The following VEPH1 variants were observed in gnomAD, a reference collection of about 807,000 sequenced individuals.
VEPH1 encodes the protein ventricular zone-expressed PH domain-containing protein homolog 1.
A neutral mutation model predicts 85.2 loss-of-function variants in VEPH1; 80 were observed. That is an observed-to-expected ratio of 0.94 (90% CI 0.78 to 1.13). VEPH1 has a LOEUF of 1.13. Among genes scored for constraint, VEPH1 ranks in the 50% most tolerant of loss-of-function variants. VEPH1 has a pLI of 0.00. For synonymous variants in VEPH1, 297 were observed against 348.0 expected, an observed-to-expected ratio of 0.85 and a Z score of 1.63; for missense variants, 955 against 980.5, an observed-to-expected ratio of 0.97 and a Z score of 0.35.
At chr3:157,336,627 T>C (rs1445384225) in intron 9 of VEPH1, among the ~76,000 whole-genome samples, 7 of 152,218 alleles carry the variant, frequency 4.6e-5, no homozygotes. Context: ...CTAGTAGAGA[T>C]AAACATGTTC....
At chr3:157,464,903 T>C (rs1736222260) in intron 3 of VEPH1, among the ~76,000 whole-genome samples, 2 of 152,244 alleles carry the variant, frequency 1.3e-5, no homozygotes, top group South Asian at 4.1e-4. Flanking sequence ...ATTCATTCAC[T>C]ATTATCAATC....
At chr3:157,305,105 T>C (rs61122435) in intron 11 of VEPH1, among the ~76,000 whole-genome samples, 3 of 34,702 alleles carry the variant, frequency 8.6e-5, no homozygotes, top group Admixed American at 4.8e-4. Flanking sequence ...ATCTGTCTTT[T>C]TTTTTTTTTT....
intron 9 of VEPH1, among the ~76,000 whole-genome samples, chr3:157,352,196 G>A (rs1329509650): frequency 6.6e-6 from 1 of 152,012 alleles, no homozygotes; most frequent in Non-Finnish European, 1.5e-5. Flanking sequence ...TGACCACTAG[G>A]GTGCTCAGAA....
intron 2 of VEPH1, among the ~76,000 whole-genome samples, chr3:157,490,753 G>T (rs1392190370): frequency 1.3e-5 from 2 of 152,118 alleles, no homozygotes; most frequent in Admixed American, 6.6e-5. Flanking sequence ...AAAACCTGTT[G>T]TTTCACTTTT....
chr3:157,469,265 A>G (rs1736692176), intron 3 of VEPH1, among the ~76,000 whole-genome samples: 1 of 152,222 alleles, frequency 6.6e-6, no homozygotes. Flanking sequence ...CAGTTGATCA[A>G]TTCCTAGACT....
intron 4 of VEPH1, among the ~76,000 whole-genome samples, chr3:157,453,777 T>G (rs1481465245): frequency 1.3e-5 from 2 of 152,168 alleles, no homozygotes; most frequent in African/African-American, 4.8e-5. Context: ...AACTTAAAGT[T>G]TGATGGGCTC....
chr3:157,260,944 A>T lies in VEPH1; in HGVS notation c.*190T>A. 1 of 707,718 alleles carries T rather than the reference A, an allele frequency of 1.4e-6. No individual in the cohort carries two copies. Among genetic ancestry groups the T allele is most frequent in the Non-Finnish European group, 2.3e-6 (1 of 434,524 alleles). 43.8% of individuals were successfully genotyped at this position (707,718 alleles called of 1,614,324 possible). A position where few individuals can be genotyped will look rare whatever the true frequency, so the allele number is the denominator to read the frequency against. ...GCATCAGATATATTCTGAAGTCAAT[A>T]CTAAAGCTGTTAGAGTATGACATTT... is the stretch of plus-strand genomic sequence containing the variant. On this transcript the variant is annotated 3_prime_UTR_variant, in exon 14 of 14. Transcript: ENST00000362010.
chr3:157,396,765 C>G (rs776866414), intron 6 of VEPH1, among the ~76,000 whole-genome samples: 9 of 151,500 alleles, frequency 5.9e-5, no homozygotes, highest in Non-Finnish European at 8.8e-5. Flanking sequence ...TATTCATGTT[C>G]TTTGTCCACT....
intron 12 of VEPH1, among the ~76,000 whole-genome samples, chr3:157,278,215 G>A (rs1426003053): frequency 6.6e-6 from 1 of 152,140 alleles, no homozygotes; most frequent in African/African-American, 2.4e-5. Context: ...ATGCATCGGG[G>A]GGTTACAAAA....
At chr3:157,438,030 C>A (rs1379771843) in intron 4 of VEPH1, 1 of 817,922 alleles carries the variant, frequency 1.2e-6, no homozygotes, top group Non-Finnish European at 1.8e-6. Flanking sequence ...AGCGCGCGCG[C>A]GCGCGCGCAC....
chr3:157,472,178 A>T lies in VEPH1; in HGVS notation c.139-1649T>A, dbSNP rs141911699. On this transcript the variant is annotated intron_variant, in intron 2 of 13. Transcript: ENST00000362010. ...TGTAACAGATTTTTGTTTAACTTCA[A>T]GTTTTCCTTATTCAAAATTTGAATA... Among the ~76,000 whole-genome samples, 1,195 of 152,258 alleles carry T rather than the reference A, an allele frequency of 7.8e-3. 14 individuals carry two copies. Among genetic ancestry groups the T allele is most frequent in the Non-Finnish European group, 9.2e-3 (629 of 68,018 alleles).
intron 4 of VEPH1, among the ~76,000 whole-genome samples, chr3:157,434,841 G>A (rs1452379497): frequency 1.3e-5 from 2 of 151,376 alleles, no homozygotes; most frequent in East Asian, 3.9e-4. Flanking sequence ...TGTCCATTTG[G>A]TAGTTGTCCT....
intron 13 of VEPH1, among the ~76,000 whole-genome samples, chr3:157,262,040 A>C (rs910741736): frequency 6.6e-6 from 1 of 152,278 alleles, no homozygotes; most frequent in African/African-American, 2.4e-5. Context: ...CATTTTGTCT[A>C]CTAGAGAAAG....
chr3:157,369,180 G>GAAAAAAAAAAAAAAAAAAAAACAAAAAA (rs1727126078), intron 7 of VEPH1, among the ~76,000 whole-genome samples: 1 of 42,780 alleles, frequency 2.3e-5, no homozygotes, highest in African/African-American at 8.4e-5. Context: ...AAAACCAAAT[G>GAAAAAAAAAAAAAAAAAAAAACAAAAAA]AAAAAAAAAA....
chr3:157,455,520 C>T (rs1735303891), intron 4 of VEPH1, among the ~76,000 whole-genome samples: 1 of 151,580 alleles, frequency 6.6e-6, no homozygotes, highest in Admixed American at 6.6e-5. Context: ...TATTTTATTA[C>T]CCAGGTATTA....
At chr3:157,485,202 C>A (rs1738508040) in intron 2 of VEPH1, among the ~76,000 whole-genome samples, 1 of 152,086 alleles carries the variant, frequency 6.6e-6, no homozygotes, top group Non-Finnish European at 1.5e-5. Context: ...ACATTATAGT[C>A]TAGTAGTTTT....
intron 6 of VEPH1, 96 bp downstream of exon 6, chr3:157,413,785 G>C (rs1244509500): frequency 2.1e-6 from 3 of 1,434,034 alleles, no homozygotes; most frequent in East Asian, 4.6e-5. Context: ...GAAATTCCAG[G>C]ACAAATTTGC....
rs1033753478 is a variant in VEPH1 at position 157,287,328 on chromosome 3, T to C, written c.2011-654A>G. On this transcript the variant is annotated intron_variant, in intron 11 of 13. Transcript: ENST00000362010. ...AGGCGGAGGTTGCAGTGAGGCAAGA[T>C]TGCACCACTGTACTCCAGCCCGGGT... Among the ~76,000 whole-genome samples, 71 of 151,642 alleles carry C rather than the reference T, an allele frequency of 4.7e-4. 1 individual carries two copies. The highest frequency in any genetic ancestry group is 1.7e-3 in the African/African-American group (69 of 41,338).
chr3:157,481,449 CACACACACACACACACAAAAA>C (rs1738047137), intron 2 of VEPH1, among the ~76,000 whole-genome samples: 1 of 66,464 alleles, frequency 1.5e-5, no homozygotes, highest in African/African-American at 9.2e-5. Context: ...CACACACACA[CACACACACACACACACAAAAA>C]AAAAAAAAAA....
Sources: gnomAD v4.1 joint callset for allele counts (sites outside exome capture counted in the v4.1 genomes callset) on GRCh38, gnomAD v4.1.1 for gene constraint, MANE v1.5 for transcripts, NCBI Gene and HGNC (gene_info 2026-07-23, HGNC 2026-07-21) for gene names.